TCF3: variants seen among roughly 807,000 people sequenced by gnomAD.
TCF3 encodes the protein transcription factor E2-alpha.
Under a neutral mutation model 72.3 loss-of-function variants are expected in TCF3, and 54 were observed. The observed-to-expected ratio is 0.75, with a 90% confidence interval of 0.60 to 0.94. TCF3 has a LOEUF of 0.94. Among genes scored for constraint, TCF3 ranks in the 40% least tolerant of loss-of-function variants. The pLI is 0.00. For synonymous variants in TCF3, 525 were observed against 412.6 expected (o/e 1.27, Z -3.30); for missense variants, 1,078 against 934.4 (o/e 1.15, Z -2.00).
In TCF3 at chr19:1,637,931, G is replaced by A. The variant is rs748053880; in HGVS notation, c.146-5526C>T. Among the ~76,000 whole-genome samples, 271 of 152,084 alleles carry A rather than the reference G, an allele frequency of 1.8e-3. 1 individual carries two copies. The highest frequency in any genetic ancestry group is 1.2e-3 in the Non-Finnish European group (84 of 67,984). ...CTCAAAAAAAAAAGAAAAAGAAAAA[G>A]AGACACAAGAGGGAACCCAACATGG... On this transcript the variant is annotated intron_variant, in intron 3 of 18. Transcript: ENST00000262965.
chr19:1,625,443 CCCGACGT>C (rs2062768641), intron 7 of TCF3, 126 bp downstream of exon 7: 1 of 1,216,812 alleles, frequency 8.2e-7, no homozygotes, highest in African/African-American at 1.6e-5. Flanking sequence ...GGCCCGAGCG[CCCGACGT>C]CCAGCCAGGA....
Position 1,650,266 on chromosome 19 carries a change from G to A in TCF3, c.-18C>T, listed in dbSNP as rs377247909. The A allele has an allele frequency of 1.8e-4, 287 of 1,553,232 alleles. 2 individuals are homozygous for A. In the South Asian group the frequency reaches 3.2e-3, roughly 17 times the overall value. On this transcript the variant is annotated 5_prime_UTR_variant, in exon 2 of 19. Transcript: ENST00000262965. ...TGGTTCATTCTCCTGGGGCCAGGGCGGGCACCTCAGGCCTGGAAACCCTGC... is the reference window on the plus strand; with the variant it reads ...TGGTTCATTCTCCTGGGGCCAGGGCAGGCACCTCAGGCCTGGAAACCCTGC...
At position 1,627,371 on chromosome 19, in the gene TCF3, G is replaced by A. The variant is rs565888014; in HGVS notation, c.354C>T (p.Gly118=). The part of the protein sequence containing the change: ...YASFGRDAGV[G]GLTQAGFLSG... ...CCGAGCCCCTCACCTGAGTCAGGCCGCCCACGCCTGCGTCTCTCCCGAAGG... is the reference window on the plus strand; with the variant it reads ...CCGAGCCCCTCACCTGAGTCAGGCCACCCACGCCTGCGTCTCTCCCGAAGG... Residue 118 remains glycine (G), a synonymous_variant, in exon 6 of 19, where the codon GGC becomes GGT. Coordinates refer to ENST00000262965, the MANE Select transcript of TCF3 (RefSeq NM_003200.5). The A allele has an allele frequency of 1.1e-5, 17 of 1,610,200 alleles. No homozygotes were observed. Among genetic ancestry groups the A allele is most frequent in the African/African-American group, 9.3e-5 (7 of 75,004 alleles).
intron 5 of TCF3, among the ~76,000 whole-genome samples, chr19:1,627,789 G>A (rs568075525): frequency 2.4e-4 from 35 of 145,844 alleles, no homozygotes; most frequent in South Asian, 6.6e-4. Flanking sequence ...GAGGTGGGAA[G>A]GGGACAGCAG....
At chr19:1,624,595 G>A (rs899648161) in intron 7 of TCF3, among the ~76,000 whole-genome samples, 3 of 152,120 alleles carry the variant, frequency 2.0e-5, no homozygotes, top group Non-Finnish European at 2.9e-5. Flanking sequence ...ACTATCCCAC[G>A]CAGTCAGGCT....
At chr19:1,633,884 T>C (rs740434) in intron 3 of TCF3, among the ~76,000 whole-genome samples, 30,377 of 152,190 alleles carry the variant, frequency 0.2, 3,766 homozygotes, top group East Asian at 0.64. Context: ...GCCGGCACCC[T>C]CTGGGTCTCA....
intron 18 of TCF3, chr19:1,612,345 C>A: frequency 2.5e-6 from 4 of 1,613,970 alleles, no homozygotes; most frequent in Non-Finnish European, 2.5e-6. Flanking sequence ...ATATCCCGCA[C>A]GCGCACCCGC....
chr19:1,618,955 C>T (rs1281527180), intron 16 of TCF3, among the ~76,000 whole-genome samples, 156 bp downstream of exon 16: 1 of 152,240 alleles, frequency 6.6e-6, no homozygotes, highest in East Asian at 1.9e-4. Context: ...GCCGGTCTTA[C>T]CCACCCTCCT....
chr19:1,645,518 G>T (rs1331959111), intron 3 of TCF3, among the ~76,000 whole-genome samples: 1 of 152,080 alleles, frequency 6.6e-6, no homozygotes, highest in East Asian at 1.9e-4. Context: ...CGTCCGTACG[G>T]GCTGCTCTCT....
chr19:1,646,023 G>A (rs754850606), intron 3 of TCF3, among the ~76,000 whole-genome samples: 1 of 152,034 alleles, frequency 6.6e-6, no homozygotes, highest in Non-Finnish European at 1.5e-5. Flanking sequence ...ATTGACTGGA[G>A]AAACGGATGC....
intron 3 of TCF3, among the ~76,000 whole-genome samples, chr19:1,638,820 C>T (rs541743737): frequency 1.3e-5 from 2 of 152,272 alleles, no homozygotes; most frequent in Non-Finnish European, 2.9e-5. Context: ...GGAAGCAATC[C>T]GGAGTTGGGA....
In TCF3 at chr19:1,611,612, T is replaced by C; in HGVS notation, c.*95A>G. The stretch of plus-strand genomic sequence containing the variant: ...CGATGCTGACAACAGGTGTGTGAGG[T>C]GTGGATGTGGATGAAGCCCGGGGTC... On this transcript the variant is annotated 3_prime_UTR_variant, in exon 19 of 19. Transcript: ENST00000262965. 1 of 1,479,126 alleles carries C rather than the reference T, an allele frequency of 6.8e-7. No individual in the cohort carries two copies. Among genetic ancestry groups the C allele is most frequent in the Non-Finnish European group, 9.1e-7 (1 of 1,097,904 alleles). 91.6% of individuals were successfully genotyped at this position (1,479,126 alleles called of 1,614,324 possible).
In TCF3 at chr19:1,613,966, G is replaced by C. The variant is rs993336170; in HGVS notation, c.1822+1319C>G. 2.0e-5 allele frequency among the ~76,000 whole-genome samples: 3 copies of C among 152,270 alleles called. No individual in the cohort carries two copies. The South Asian group carries it at 6.2e-4, about 31-fold the overall frequency. ...CGAGCAGCATGCAGCTGGCGAGCGG[G>C]CACTGTTGCTGCTGCCGCAGGGGTG... is the stretch of plus-strand genomic sequence containing the variant. On this transcript the variant is annotated intron_variant, in intron 18 of 18. Transcript: ENST00000262965.
At position 1,621,021 on chromosome 19, in the gene TCF3, T is replaced by C. The variant is rs1369361815; in HGVS notation, c.1040A>G (p.Asn347Ser). ...ASIYSPDHSS[N>S]NFSSSPSTPV... Reference sequence around the variant, plus strand: ...GGTAGAAGGGCTGGACGAGAAGTTATTGCTTGAGTGATCCGGGGAGTAGAT... The same window carrying C: ...GGTAGAAGGGCTGGACGAGAAGTTACTGCTTGAGTGATCCGGGGAGTAGAT... Residue 347 changes from asparagine (N) to serine (S), a missense_variant, in exon 13 of 19, where the codon AAT becomes AGT. By Grantham distance (46) the Asn-to-Ser change is conservative. Transcript: ENST00000262965. 12 of 1,521,990 alleles carry C rather than the reference T, an allele frequency of 7.9e-6. 1 individual carries two copies. The highest frequency in any genetic ancestry group is 1.7e-4 in the Middle Eastern group (1 of 5,802). The allele number at this position is 1,521,990 out of a possible 1,614,324, so 94.3% of individuals were successfully genotyped here.
Position 1,615,234 on chromosome 19 carries a change from A to C in TCF3, c.1822+51T>G, listed in dbSNP as rs2061430666. ...GGGGAAGGAGAACGAGGGCAGGAAC[A>C]CGAGGGAGGGTGGCGCTGCAGGGAC... On this transcript the variant is annotated intron_variant, in intron 18 of 18. Coordinates refer to ENST00000262965, the MANE Select transcript of TCF3 (RefSeq NM_003200.5). The surrounding 1 kb of genome is among the most constrained non-coding windows in gnomAD (Gnocchi z 7.3). The C allele has an allele frequency of 6.5e-7, 1 of 1,527,950 alleles. No homozygotes were observed. Among genetic ancestry groups the C allele is most frequent in the Admixed American group, 2.0e-5 (1 of 50,202 alleles). The allele number at this position is 1,527,950 out of a possible 1,614,324, so 94.6% of individuals were successfully genotyped here.
chr19:1,635,486 A>T (rs561563021), intron 3 of TCF3, among the ~76,000 whole-genome samples: 4 of 151,900 alleles, frequency 2.6e-5, no homozygotes, highest in Non-Finnish European at 5.9e-5. Flanking sequence ...TCCCCAACAC[A>T]GGAGGTGACC....
Position 1,622,242 on chromosome 19 carries a change from A to G in TCF3, c.653-19T>C, listed in dbSNP as rs2062328370. ...CTGCCATCTGTGGAGGGGAGCTGGTAAGGTGGGGGCCGAGTGGGGAACCCC... is the reference window on the plus strand; with the variant it reads ...CTGCCATCTGTGGAGGGGAGCTGGTGAGGTGGGGGCCGAGTGGGGAACCCC... On this transcript the variant is annotated intron_variant, in intron 9 of 18. Transcript: ENST00000262965. 6.5e-7 allele frequency: 1 copy of G among 1,528,432 alleles called. No individual in the cohort carries two copies. The highest frequency in any genetic ancestry group is 8.8e-7 in the Non-Finnish European group (1 of 1,137,436). 94.7% of individuals were successfully genotyped at this position (1,528,432 alleles called of 1,614,324 possible). A position where few individuals can be genotyped will look rare whatever the true frequency, so the allele number is the denominator to read the frequency against.
chr19:1,645,122 C>G (rs1003796325), intron 3 of TCF3, among the ~76,000 whole-genome samples: 1 of 152,032 alleles, frequency 6.6e-6, no homozygotes, highest in African/African-American at 2.4e-5. Flanking sequence ...TGCAAGTGCC[C>G]AAGTACAGAA....
chr19:1,612,146 A>T (rs1599409378), intron 18 of TCF3: 1 of 1,482,640 alleles, frequency 6.7e-7, no homozygotes, highest in Non-Finnish European at 9.0e-7. Context: ...GGACCCCAGC[A>T]TCTGCACCTG....
Sources: gnomAD v4.1 joint callset for allele counts (sites outside exome capture counted in the v4.1 genomes callset) on GRCh38, gnomAD v4.1.1 for gene constraint, Gnocchi (gnomAD v3.1) non-coding constraint, MANE v1.5 for transcripts, NCBI Gene and HGNC (gene_info 2026-07-23, HGNC 2026-07-21) for gene names.